The following DOC2A variants were observed in gnomAD, a reference collection of about 807,000 sequenced individuals.
DOC2A encodes double C2-like domain-containing protein alpha.
Under a neutral mutation model 40.6 loss-of-function variants are expected in DOC2A, and 28 were observed. That is an observed-to-expected ratio of 0.69 (90% confidence interval 0.51 to 0.95). The LOEUF is 0.95. Among genes scored for constraint, DOC2A ranks in the 40% least tolerant of loss-of-function variants. The pLI, the probability that DOC2A is intolerant of heterozygous loss-of-function variation, is 0.00. For missense variants in DOC2A, 474 were observed against 552.5 expected, an observed-to-expected ratio of 0.86 and a Z score of 1.42; for synonymous variants, 241 against 236.9, an observed-to-expected ratio of 1.02 and a Z score of -0.16.
chr16:30,006,458 C>A lies in DOC2A; in HGVS notation c.1012G>T (p.Val338Phe). 2.5e-6 allele frequency: 4 copies of A among 1,613,794 alleles called. No homozygotes were observed. The highest frequency in any genetic ancestry group is 3.4e-6 in the Non-Finnish European group (4 of 1,179,938). The change falls in exon 10 of 11, where the codon GTC becomes TTC. Residue 338 changes from valine to phenylalanine, a missense_variant. Coordinates refer to ENST00000350119, the MANE Select transcript of DOC2A (RefSeq NM_003586.3). This position sits in a 1 kb window ranked among gnomAD's most constrained non-coding sequence, Gnocchi z 6.2. ...LSTLATKTLE[V>F]TVWDYDIGKS... ...CCAATGTCATAGTCCCAGACGGTGA[C>A]TTCCAGGGTCTTGGTGGCCAGAGTG... is the stretch of plus-strand genomic sequence containing the variant.
upstream of DOC2A, among the ~76,000 whole-genome samples, chr16:30,013,064 A>T (rs2070810580): frequency 6.7e-6 from 1 of 150,242 alleles, no homozygotes; most frequent in South Asian, 2.1e-4. Flanking sequence ...GGCAAAGCCA[A>T]AGTGTCTGGG....
At position 30,010,873 on chromosome 16, in the gene DOC2A, C is replaced by G. The variant is rs543493613; in HGVS notation, c.-14+30G>C. ...TGGCACGCTTCCCCGCACCCTCACG[C>G]CCCCGGCCTGCCCAGCCCCCTGCAC... On this transcript the variant is annotated intron_variant, in intron 1 of 10. Transcript: ENST00000350119. This position sits in a 1 kb window ranked among gnomAD's most constrained non-coding sequence, Gnocchi z 4.2. 4.0e-6 allele frequency: 4 copies of G among 1,004,172 alleles called. No individual in the cohort carries two copies. In the African/African-American group the frequency reaches 7.0e-5, roughly 17 times the overall value. The allele number at this position is 1,004,172 out of a possible 1,614,324, so 62.2% of individuals were successfully genotyped here. A position where few individuals can be genotyped will look rare whatever the true frequency, so the allele number is the denominator to read the frequency against.
intron 1 of DOC2A, among the ~76,000 whole-genome samples, chr16:30,018,261 CAG>C: frequency 7.0e-6 from 1 of 142,504 alleles, no homozygotes; most frequent in South Asian, 2.2e-4. Context: ...GCCTGGGCAA[CAG>C]AGTGAGATGC....
At position 30,009,843 on chromosome 16, in the gene DOC2A, CACTG is replaced by C; in HGVS notation, c.262+114_262+117del. Reference sequence around the variant, plus strand: ...GTGGTGGCCGTCCCTGCCACCCCCCCACTGCCCTCCTCCCCTACCTACATGCACA... The same window carrying C: ...GTGGTGGCCGTCCCTGCCACCCCCCCCCCTCCTCCCCTACCTACATGCACA... On this transcript the variant is annotated intron_variant, in intron 2 of 10. Coordinates refer to ENST00000350119, the MANE Select transcript of DOC2A (RefSeq NM_003586.3). This position sits in a 1 kb window ranked among gnomAD's most constrained non-coding sequence, Gnocchi z 4.1. 45 of 1,162,340 alleles carry C rather than the reference CACTG, an allele frequency of 3.9e-5. No individual in the cohort carries two copies. Among genetic ancestry groups the C allele is most frequent in the Middle Eastern group, 2.8e-4 (1 of 3,594 alleles). 72.0% of individuals were successfully genotyped at this position (1,162,340 alleles called of 1,614,324 possible).
In DOC2A at chr16:30,009,443, A is replaced by C. The variant is rs1313630423; in HGVS notation, c.342+35T>G. On this transcript the variant is annotated intron_variant, in intron 3 of 10. Coordinates refer to ENST00000350119, the MANE Select transcript of DOC2A (RefSeq NM_003586.3). The surrounding 1 kb of genome is among the most constrained non-coding windows in gnomAD (Gnocchi z 4.1). ...GGCCCCCTCTGGGGGCTGCACGCAA[A>C]CCGGGCCCGGGCTTGGGTGGCAGGG... The C allele has an allele frequency of 2.6e-6, 4 of 1,548,402 alleles. No homozygotes were observed. In the South Asian group the frequency reaches 4.8e-5, roughly 18 times the overall value.
chr16:30,010,298 C>T lies in DOC2A; in HGVS notation c.-13-63G>A, dbSNP rs959452002. On this transcript the variant is annotated intron_variant, in intron 1 of 10. Transcript: ENST00000350119. This position sits in a 1 kb window ranked among gnomAD's most constrained non-coding sequence, Gnocchi z 4.2. ...CTAGCCATCCTGGCTGAGGGCCAGGCGACGGCCTCCTCGGTCTGTGGGGCC... is the reference window on the plus strand; with the variant it reads ...CTAGCCATCCTGGCTGAGGGCCAGGTGACGGCCTCCTCGGTCTGTGGGGCC... The T allele has an allele frequency of 5.0e-6, 8 of 1,596,712 alleles. No individual in the cohort carries two copies. The highest frequency in any genetic ancestry group is 3.3e-5 in the Admixed American group (2 of 59,978).
chr16:30,017,330 A>G (rs2070864701), upstream of DOC2A, among the ~76,000 whole-genome samples: 1 of 152,010 alleles, frequency 6.6e-6, no homozygotes, highest in African/African-American at 2.4e-5. Context: ...CACCAAAAAG[A>G]CACCTGCACT....
chr16:30,009,553 G>A lies in DOC2A; in HGVS notation c.267C>T (p.Ala89=), dbSNP rs111254879. Residue 89 remains alanine, a synonymous_variant, in exon 3 of 11, where the codon GCC becomes GCT. Transcript: ENST00000350119. The surrounding 1 kb of genome is among the most constrained non-coding windows in gnomAD (Gnocchi z 4.1). ...VDSYDSDDAT[A]LGTLEFDLLY... is the part of the protein sequence containing the mutation. ...GAAGGTCAAACTCCAGCGTGCCTAG[G>A]GCGGCTGGAGAGAGAGGAAAGGCAG... is the stretch of plus-strand genomic sequence containing the variant. 6.4e-7 allele frequency: 1 copy of A among 1,551,184 alleles called. No individual in the cohort carries two copies. Among genetic ancestry groups the A allele is most frequent in the South Asian group, 1.2e-5 (1 of 84,058 alleles).
rs2150956229 is a variant in DOC2A at position 30,009,688 on chromosome 16, G to A, written c.263-131C>T. 1.1e-6 allele frequency: 1 copy of A among 945,020 alleles called. No individual in the cohort carries two copies. The allele number at this position is 945,020 out of a possible 1,614,324, so 58.5% of individuals were successfully genotyped here. A position where few individuals can be genotyped will look rare whatever the true frequency, so the allele number is the denominator to read the frequency against. On this transcript the variant is annotated intron_variant, in intron 2 of 10. Transcript: ENST00000350119. This position sits in a 1 kb window ranked among gnomAD's most constrained non-coding sequence, Gnocchi z 4.1. ...GAGTGTGAGTGCAAGAGGCTGAGTGGGCCCATGCGTGTGTGCGTCTGGGTC... is the reference window on the plus strand; with the variant it reads ...GAGTGTGAGTGCAAGAGGCTGAGTGAGCCCATGCGTGTGTGCGTCTGGGTC...
chr16:30,015,643 T>G (rs2070846604), upstream of DOC2A, among the ~76,000 whole-genome samples: 1 of 151,610 alleles, frequency 6.6e-6, no homozygotes, highest in Non-Finnish European at 1.5e-5. Flanking sequence ...TTTTTCTTTC[T>G]TTTCTTCTTT....
At chr16:30,008,943 C>T in intron 5 of DOC2A, 53 bp downstream of exon 5, 3 of 1,229,752 alleles carry the variant, frequency 2.4e-6, no homozygotes, top group Non-Finnish European at 3.6e-6. Flanking sequence ...CCAGCGGTTA[C>T]AATGTCAGCT....
chr16:30,023,018 G>A (rs967912806), upstream of DOC2A: 6 of 246,500 alleles, frequency 2.4e-5, no homozygotes, highest in Non-Finnish European at 4.1e-5. Context: ...AGGGGTAACC[G>A]GAGGTGTGTG....
upstream of DOC2A, among the ~76,000 whole-genome samples, chr16:30,014,392 T>A (rs960467845): frequency 1.3e-5 from 2 of 151,908 alleles, no homozygotes; most frequent in African/African-American, 4.8e-5. Context: ...TCCCAGCATT[T>A]TGGGAGGCCA....
upstream of DOC2A, among the ~76,000 whole-genome samples, chr16:30,012,009 GC>G (rs1248938402): frequency 6.6e-6 from 1 of 151,908 alleles, no homozygotes; most frequent in Non-Finnish European, 1.5e-5. Context: ...CCGGCCCTGC[GC>G]CTGCCACGGA....
upstream of DOC2A, among the ~76,000 whole-genome samples, chr16:30,015,421 T>C (rs1182504174): frequency 1.3e-5 from 2 of 152,210 alleles, no homozygotes; most frequent in Non-Finnish European, 2.9e-5. Flanking sequence ...GTTCAAGTGA[T>C]TCTCCCGCGT....
intron 1 of DOC2A, among the ~76,000 whole-genome samples, chr16:30,017,960 C>T (rs1463802696): frequency 2.2e-5 from 2 of 92,750 alleles, no homozygotes; most frequent in African/African-American, 5.6e-5. Context: ...ACTCTGTCTC[C>T]GGAAAAAAAA....
At position 30,007,294 on chromosome 16, in the gene DOC2A, G is replaced by A; in HGVS notation, c.533C>T (p.Ala178Val). ...ACTCAGCTTGTCCTCATCACAGACG[G>A]CGATCCTGGTCGGGAACTGCAGTGT... ...DDITHKVLRI[A>V]VCDEDKLSHN... The change falls in exon 6 of 11, where the codon GCC (alanine) becomes GTC (valine). Residue 178 changes from alanine (A) to valine (V), a missense_variant. Physicochemically the swap from Ala to Val is moderately conservative, Grantham distance 64. Transcript: ENST00000350119. The A allele has an allele frequency of 6.2e-7, 1 of 1,613,848 alleles. No homozygotes were observed. The highest frequency in any genetic ancestry group is 1.1e-5 in the South Asian group (1 of 91,086).
rs1411129224 is a variant in DOC2A, at chr16:30,009,179, G to T, written c.417+23C>A. The T allele has an allele frequency of 3.1e-6, 5 of 1,609,158 alleles. No individual in the cohort carries two copies. Among genetic ancestry groups the T allele is most frequent in the Non-Finnish European group, 4.2e-6 (5 of 1,177,388 alleles). ...AGGCTGGAGTCATGGGCTGGGCCGG[G>T]CGGGGCGAGAGGAGGCTGTTACCTT... On this transcript the variant is annotated intron_variant, in intron 4 of 10. Transcript: ENST00000350119. The surrounding 1 kb of genome is among the most constrained non-coding windows in gnomAD (Gnocchi z 4.1).
chr16:30,013,692 A>G (rs2070822806), upstream of DOC2A: 1 of 150,376 alleles, frequency 6.6e-6, no homozygotes, highest in Admixed American at 6.6e-5. Flanking sequence ...CATAAGCCAA[A>G]TAATAGAAGT....
Sources: gnomAD v4.1 joint callset for allele counts (sites outside exome capture counted in the v4.1 genomes callset) on GRCh38, gnomAD v4.1.1 for gene constraint, Gnocchi (gnomAD v3.1) non-coding constraint, MANE v1.5 for transcripts, NCBI Gene and HGNC (gene_info 2026-07-23, HGNC 2026-07-21) for gene names.